Variants in GLI3 observed in about 807,000 individuals in gnomAD.
GLI3 encodes the protein GLI family zinc finger 3.
A neutral mutation model predicts 100.8 loss-of-function variants in GLI3; 20 were observed. That is an observed-to-expected ratio of 0.20 (90% CI 0.14 to 0.29). GLI3 has a LOEUF of 0.29. Among genes scored for constraint, GLI3 ranks in the 10% least tolerant of loss-of-function variants. The pLI is 1.00. For missense variants in GLI3, 2,040 were observed against 2,128.5 expected (o/e 0.96, Z 0.82); for synonymous variants, 938 against 860.5 (o/e 1.09, Z -1.58).
At chr7:42,059,413 A>G (rs1784523786) in intron 4 of GLI3, among the ~76,000 whole-genome samples, 1 of 150,080 alleles carries the variant, frequency 6.7e-6, no homozygotes, top group South Asian at 2.1e-4. Context: ...TATATAATGT[A>G]TGTATTATAT....
chr7:42,029,602 C>T (rs890657364), intron 7 of GLI3, among the ~76,000 whole-genome samples: 2 of 152,122 alleles, frequency 1.3e-5, no homozygotes, highest in African/African-American at 4.8e-5. Context: ...GAGGGGAGTC[C>T]TGCATCCTTT....
At chr7:42,058,037 T>C (rs1784497783) in intron 4 of GLI3, among the ~76,000 whole-genome samples, 1 of 151,786 alleles carries the variant, frequency 6.6e-6, no homozygotes, top group Non-Finnish European at 1.5e-5. Flanking sequence ...CCAAAAGCTA[T>C]TGAAATAAAA....
In GLI3 at chr7:42,231,158, T is replaced by C. The variant is rs947562645; in HGVS notation, c.-43+5813A>G. On this transcript the variant is annotated intron_variant, in intron 1 of 14. Transcript: ENST00000395925. ...GAGTATAAGGGAGTAGAGTGTATGT[T>C]CCATGAATAGTAATTTACTTTTAAA... Among the ~76,000 whole-genome samples the C allele has an allele frequency of 1.5e-4, 23 of 152,192 alleles. No homozygotes were observed. The East Asian group carries it at 4.2e-3, about 28-fold the overall frequency.
At position 42,130,123 on chromosome 7, in the gene GLI3, C is replaced by A. The variant is rs142155091; in HGVS notation, c.367+18103G>T. ...TGTGACACCCTTATTGGTACCCAAG[C>A]CATACCGGTTCTTATAGCTCCCCAG... On this transcript the variant is annotated intron_variant, in intron 3 of 14. Transcript: ENST00000395925. Among the ~76,000 whole-genome samples, 251 of 152,206 alleles carry A rather than the reference C, an allele frequency of 1.6e-3. 1 individual carries two copies. The highest frequency in any genetic ancestry group is 0.01 in the Middle Eastern group (3 of 294).
At chr7:42,198,501 TC>T (rs1787974812) in intron 2 of GLI3, among the ~76,000 whole-genome samples, 1 of 151,934 alleles carries the variant, frequency 6.6e-6, no homozygotes, top group South Asian at 2.1e-4. Flanking sequence ...GATGCTGAGC[TC>T]CGGGGATGTG....
intron 3 of GLI3, among the ~76,000 whole-genome samples, chr7:42,088,296 G>C (rs846314): frequency 0.26 from 40,083 of 152,036 alleles, 5,670 homozygotes; most frequent in Admixed American, 0.37. Context: ...CATACTCATT[G>C]CTGGATGTGC....
intron 10 of GLI3, among the ~76,000 whole-genome samples, chr7:42,020,230 C>T (rs571266262): frequency 2.8e-4 from 42 of 152,344 alleles, no homozygotes; most frequent in African/African-American, 9.9e-4. Context: ...AGCCAAGTTT[C>T]TAATTCTCTT....
At chr7:42,084,855 A>G (rs910933664) in intron 3 of GLI3, among the ~76,000 whole-genome samples, 5 of 151,924 alleles carry the variant, frequency 3.3e-5, no homozygotes, top group South Asian at 2.1e-4. Flanking sequence ...TTGTATCACA[A>G]AATTCAAAAG....
chr7:42,254,548 A>G (rs1789066558), intron 1 of GLI3, among the ~76,000 whole-genome samples: 2 of 152,238 alleles, frequency 1.3e-5, no homozygotes. Flanking sequence ...TAGTCAGAAC[A>G]TTATATGGCC....
At chr7:42,139,620 G>T (rs181677466) in intron 3 of GLI3, among the ~76,000 whole-genome samples, 1 of 151,974 alleles carries the variant, frequency 6.6e-6, no homozygotes, top group Non-Finnish European at 1.5e-5. Flanking sequence ...CAGAGGTTGC[G>T]GTGAGCCGAG....
chr7:42,246,805 C>CTTTTTTTTTTTTTTT lies in GLI3; in HGVS notation c.-43+17174_-43+17188dup, dbSNP rs71006467. Among the ~76,000 whole-genome samples, 65 of 94,960 alleles carry CTTTTTTTTTTTTTTT rather than the reference C, an allele frequency of 6.8e-4. 5 individuals carry two copies. Among genetic ancestry groups the CTTTTTTTTTTTTTTT allele is most frequent in the African/African-American group, 2.5e-3 (57 of 23,014 alleles). 62.3% of individuals were successfully genotyped at this position (94,960 alleles called of 152,430 possible). A position where few individuals can be genotyped will look rare whatever the true frequency, so the allele number is the denominator to read the frequency against. On this transcript the variant is annotated intron_variant, in intron 1 of 2. Transcript: ENST00000678978. ...TTAAAGGCTCATTGGATGATAGAAT[C>CTTTTTTTTTTTTTTT]TTTTTTTTTTTTTTTTTTTTTTTTT...
At chr7:42,113,236 G>A in intron 3 of GLI3, 1 of 459,282 alleles carries the variant, frequency 2.2e-6, no homozygotes, top group Non-Finnish European at 4.2e-6. Flanking sequence ...CATCTCTGGT[G>A]AGTAAGAAAT....
intron 2 of GLI3, among the ~76,000 whole-genome samples, chr7:42,218,003 A>G (rs1306446740): frequency 2.6e-5 from 4 of 152,204 alleles, no homozygotes; most frequent in African/African-American, 7.2e-5. Context: ...AGAACGCTGA[A>G]AAGTTAATCT....
At position 41,977,976 on chromosome 7, in the gene GLI3, T is replaced by G. The variant is rs762045839; in HGVS notation, c.1648-254A>C. On this transcript the variant is annotated intron_variant, in intron 11 of 14. Coordinates refer to ENST00000395925, the MANE Select transcript of GLI3 (RefSeq NM_000168.6). Reference sequence around the variant, plus strand: ...TTAATAGACCGCTCAATGTGGACAATGGGTTTCATTATCTGCTCATTGATC... The same window carrying G: ...TTAATAGACCGCTCAATGTGGACAAGGGGTTTCATTATCTGCTCATTGATC... The G allele has an allele frequency of 3.4e-5, 18 of 536,004 alleles. 1 individual carries two copies. In the Admixed American group the frequency reaches 5.6e-4, roughly 17 times the overall value. 33.2% of individuals were successfully genotyped at this position (536,004 alleles called of 1,614,324 possible).
intron 2 of GLI3, among the ~76,000 whole-genome samples, chr7:42,196,735 G>A (rs6976209): frequency 0.23 from 34,258 of 152,000 alleles, 4,414 homozygotes; most frequent in African/African-American, 0.34. Flanking sequence ...CTTCAAAGCC[G>A]TTTCATGTCT....
intron 2 of GLI3, among the ~76,000 whole-genome samples, chr7:42,171,469 T>A (rs1323340414): frequency 6.6e-6 from 1 of 152,250 alleles, no homozygotes; most frequent in Admixed American, 6.5e-5. Context: ...TACTAAAATG[T>A]TAACAATTGT....
rs539090889 is a variant in GLI3, at chr7:42,249,607, T to C, written c.-43+14387A>G. 1.2e-4 allele frequency among the ~76,000 whole-genome samples: 18 copies of C among 152,314 alleles called. No individual in the cohort carries two copies. In the South Asian group the frequency reaches 3.5e-3, roughly 30 times the overall value. On this transcript the variant is annotated intron_variant, in intron 1 of 2. Transcript: ENST00000678978. ...TTTGTCCACCTGTAAATGCAGGTGATGCTATCTATTTCATAGGGTGCTTGT... is the reference window on the plus strand; with the variant it reads ...TTTGTCCACCTGTAAATGCAGGTGACGCTATCTATTTCATAGGGTGCTTGT...
At chr7:42,246,738 G>A (rs1257009990) in intron 1 of GLI3, among the ~76,000 whole-genome samples, 2 of 148,592 alleles carry the variant, frequency 1.3e-5, no homozygotes, top group African/African-American at 4.9e-5. Flanking sequence ...AACTGTTGAA[G>A]CTGTTATTTT....
At chr7:42,193,143 A>G (rs1442178200) in intron 2 of GLI3, among the ~76,000 whole-genome samples, 1 of 152,246 alleles carries the variant, frequency 6.6e-6, no homozygotes, top group Non-Finnish European at 1.5e-5. Flanking sequence ...TGGATACTCT[A>G]GAGAAACAGC....
Sources: gnomAD v4.1 joint callset for allele counts (sites outside exome capture counted in the v4.1 genomes callset) on GRCh38, gnomAD v4.1.1 for gene constraint, MANE v1.5 for transcripts, NCBI Gene and HGNC (gene_info 2026-07-23, HGNC 2026-07-21) for gene names.